The following KANTR variants were observed in gnomAD, a reference collection of about 807,000 sequenced individuals.
The protein encoded by KANTR is KANTR integral membrane protein.
At chrX:53,105,292 T>C (rs1932934623) in intron 2 of KANTR, among the ~76,000 whole-genome samples, 1 of 111,900 alleles carries the variant, frequency 8.9e-6, no homozygotes, top group African/African-American at 3.2e-5. Flanking sequence ...ATCAACACTT[T>C]TCGTTTGTCT....
chrX:53,115,435 T>G (rs1933108908), intron 2 of KANTR, among the ~76,000 whole-genome samples: 1 of 111,868 alleles, frequency 8.9e-6, no homozygotes, highest in Non-Finnish European at 1.9e-5. Context: ...CACGGCCACC[T>G]GGGCTGGCCT....
At chrX:53,124,985 T>C (rs1933276577) in exon 3 of KANTR, 1 of 112,169 alleles carries the variant, frequency 8.9e-6, no homozygotes, top group Admixed American at 9.5e-5. Flanking sequence ...TTTTTGGTCA[T>C]TATCTACTGA....
chrX:53,138,176 C>T (rs1933451516), intron 2 of KANTR, among the ~76,000 whole-genome samples: 2 of 109,476 alleles, frequency 1.8e-5, no homozygotes, highest in East Asian at 5.9e-4. Context: ...TCAAGTGATT[C>T]TCCTGCCTCA....
exon 3 of KANTR, chrX:53,142,100 A>G (rs1213131809): frequency 7.9e-6 from 1 of 126,959 alleles, no homozygotes; most frequent in Non-Finnish European, 1.6e-5. Context: ...ACCAAGCCAC[A>G]GACTTGTCTT....
rs781787884 is a variant in KANTR, at chrX:53,102,098, C to A, written c.-805+2490C>A. Among the ~76,000 whole-genome samples the A allele has an allele frequency of 1.8e-3, 199 of 111,240 alleles. 2 individuals carry two copies. In the Middle Eastern group the frequency reaches 0.033, roughly 19 times the overall value. Reference sequence around the variant, plus strand: ...ATTACCAAAATGTAAGACAGAGACACTAAGTGAGCACATACTGTTGGAAAA... The same window carrying A: ...ATTACCAAAATGTAAGACAGAGACAATAAGTGAGCACATACTGTTGGAAAA... On this transcript the variant is annotated intron_variant, in intron 2 of 2. Coordinates refer to ENST00000604062, the Ensembl canonical transcript of KANTR.
chrX:53,142,865 A>T, downstream of KANTR: 1 of 517,252 alleles, frequency 1.9e-6, no homozygotes, highest in Non-Finnish European at 3.5e-6. Context: ...CCACATACCT[A>T]ATTGCTAATC....
chrX:53,147,775 C>A (rs1933597416), intron 3 of KANTR, among the ~76,000 whole-genome samples: 1 of 111,534 alleles, frequency 9.0e-6, no homozygotes, highest in African/African-American at 3.3e-5. Flanking sequence ...GTCTCTCAGA[C>A]CACAGTGCAA....
At chrX:53,097,705 A>G (rs1932856219) in intron 1 of KANTR, among the ~76,000 whole-genome samples, 1 of 109,188 alleles carries the variant, frequency 9.2e-6, no homozygotes, top group Non-Finnish European at 1.9e-5. Context: ...TTCAAAAATT[A>G]TACAAGAATT....
At chrX:53,129,440 A>G (rs112948589), downstream of KANTR, among the ~76,000 whole-genome samples, 5,737 of 110,709 alleles carry the variant, frequency 0.052, 391 homozygotes, top group African/African-American at 0.18. Flanking sequence ...ATCCTTTAGC[A>G]TAGATCACTT....
intron 2 of KANTR, among the ~76,000 whole-genome samples, chrX:53,140,765 T>A (rs1933491796): frequency 8.9e-6 from 1 of 111,912 alleles, no homozygotes; most frequent in Non-Finnish European, 1.9e-5. Context: ...AGTGCTGCAT[T>A]TCAGTTCCAG....
At chrX:53,145,545 C>T (rs1025728162), downstream of KANTR, among the ~76,000 whole-genome samples, 4 of 112,118 alleles carry the variant, frequency 3.6e-5, no homozygotes, top group Non-Finnish European at 7.5e-5. Flanking sequence ...AGGAGGCCTG[C>T]CTGTCTCTGT....
At chrX:53,141,896 G>T in exon 3 of KANTR, 1 of 494,578 alleles carries the variant, frequency 2.0e-6, no homozygotes, top group Non-Finnish European at 2.7e-6. Context: ...AGCCCACGGT[G>T]TTCTGGCAGG....
chrX:53,104,271 A>G (rs1011795451), intron 2 of KANTR, among the ~76,000 whole-genome samples: 7 of 110,350 alleles, frequency 6.3e-5, no homozygotes, highest in Admixed American at 2.9e-4. Flanking sequence ...CTGTCACCCA[A>G]GCTGGAGTGC....
intron 1 of KANTR, among the ~76,000 whole-genome samples, chrX:53,097,361 T>C (rs1363983192): frequency 2.2e-4 from 20 of 90,462 alleles, no homozygotes; most frequent in African/African-American, 7.6e-4. Flanking sequence ...TTTTTTTTTT[T>C]TTTTTTTTTG....
chrX:53,143,132 G>A, downstream of KANTR: 3 of 1,096,409 alleles, frequency 2.7e-6, no homozygotes, highest in Non-Finnish European at 3.8e-6. Flanking sequence ...AAGGAAGGCT[G>A]GAACAGCACC....
chrX:53,104,194 A>G (rs1388835802), intron 2 of KANTR, among the ~76,000 whole-genome samples: 3 of 109,935 alleles, frequency 2.7e-5, no homozygotes, highest in African/African-American at 9.9e-5. Context: ...TTATAAATAA[A>G]TAAATAAAAG....
At chrX:53,125,511 T>C (rs782160339) in exon 3 of KANTR, 6 of 111,618 alleles carry the variant, frequency 5.4e-5, no homozygotes, top group Non-Finnish European at 9.4e-5. Context: ...GAGATTTGTT[T>C]TCTTATTCAA....
At chrX:53,118,586 C>G (rs1449457112) in intron 2 of KANTR, among the ~76,000 whole-genome samples, 1 of 109,791 alleles carries the variant, frequency 9.1e-6, no homozygotes, top group Non-Finnish European at 1.9e-5. Context: ...CATGATGAAA[C>G]CGCATCTCTA....
At chrX:53,126,934 A>G (rs1933297191) in exon 3 of KANTR, 1 of 111,466 alleles carries the variant, frequency 9.0e-6, no homozygotes, top group Non-Finnish European at 1.9e-5. Context: ...ACCATGGCCC[A>G]AAGTCCCTAC....
Sources: gnomAD v4.1 joint callset for allele counts (sites outside exome capture counted in the v4.1 genomes callset) on GRCh38, gnomAD v4.1.1 for gene constraint, MANE v1.5 for transcripts, NCBI Gene and HGNC (gene_info 2026-07-23, HGNC 2026-07-21) for gene names.